The following JCAD variants were observed in gnomAD, a reference collection of about 807,000 sequenced individuals.
JCAD encodes junctional cadherin 5 associated, also known as junctional cadherin 5-associated protein.
In JCAD, 40 loss-of-function variants were observed where a neutral mutation model predicts 98.0. The ratio of observed to expected loss-of-function variants is 0.41; its 90% CI spans 0.32 to 0.53. The LOEUF (loss-of-function observed/expected upper bound fraction) is 0.53, where lower values mean the gene tolerates loss of function less well. Among genes scored for constraint, JCAD ranks in the 20% least tolerant of loss-of-function variants. The pLI is 0.31. For synonymous variants in JCAD, 691 were observed against 682.3 expected (o/e 1.01, Z -0.20); for missense variants, 1,705 against 1,738.1 (o/e 0.98, Z 0.34).
upstream of JCAD, among the ~76,000 whole-genome samples, chr10:30,062,762 T>C (rs990535255): frequency 3.3e-5 from 5 of 152,022 alleles, no homozygotes; most frequent in African/African-American, 1.2e-4. Flanking sequence ...TTATTCACTA[T>C]CACAAGAACG....
chr10:30,076,171 C>T (rs1247209478), intron 1 of JCAD, among the ~76,000 whole-genome samples: 1 of 152,022 alleles, frequency 6.6e-6, no homozygotes, highest in African/African-American at 2.4e-5. Flanking sequence ...TTACAGGTGC[C>T]TGCTACCACA....
At chr10:30,051,464 A>C (rs753882205) in intron 1 of JCAD, among the ~76,000 whole-genome samples, 1 of 152,248 alleles carries the variant, frequency 6.6e-6, no homozygotes, top group Non-Finnish European at 1.5e-5. Flanking sequence ...GCTTTTCATA[A>C]ATAACATGGG....
At chr10:30,039,416 C>T (rs550977922) in intron 2 of JCAD, among the ~76,000 whole-genome samples, 3 of 152,346 alleles carry the variant, frequency 2.0e-5, no homozygotes, top group Middle Eastern at 3.4e-3. Context: ...GGACCGGCCT[C>T]GGCTTCTGAT....
At chr10:30,097,509 A>G (rs559827379) in intron 1 of JCAD, among the ~76,000 whole-genome samples, 1 of 152,262 alleles carries the variant, frequency 6.6e-6, no homozygotes, top group African/African-American at 2.4e-5. Context: ...CAGCACTTTG[A>G]GAGGTTGAGG....
At chr10:30,101,897 G>A (rs555485934) in intron 1 of JCAD, among the ~76,000 whole-genome samples, 36 of 152,260 alleles carry the variant, frequency 2.4e-4, no homozygotes, top group Admixed American at 7.2e-4. Context: ...TAACATACAT[G>A]TACAGTGTTG....
chr10:30,073,598 TAGA>T (rs1251258406), intron 1 of JCAD, among the ~76,000 whole-genome samples: 2 of 152,196 alleles, frequency 1.3e-5, no homozygotes, highest in African/African-American at 2.4e-5. Flanking sequence ...TAAGAAATTT[TAGA>T]AAGACCATTC....
intron 1 of JCAD, among the ~76,000 whole-genome samples, chr10:30,055,268 G>A (rs913332331): frequency 2.0e-5 from 3 of 152,206 alleles, no homozygotes; most frequent in Non-Finnish European, 2.9e-5. Flanking sequence ...TGCTTAAGAT[G>A]TAATTGGTCC....
rs953583790 is a variant in JCAD, at chr10:30,037,464, G to A, written c.282-7598C>T. 2.0e-5 allele frequency among the ~76,000 whole-genome samples: 3 copies of A among 152,222 alleles called. No homozygotes were observed. In the South Asian group the frequency reaches 6.2e-4, roughly 31 times the overall value. On this transcript the variant is annotated intron_variant, in intron 2 of 3. Transcript: ENST00000375377. ...GCAAAGTTCAATTTGAACAAGAATT[G>A]TAGGTTGCGCTGGCAGAATGGTAAC...
chr10:30,059,146 G>A lies in JCAD; in HGVS notation c.-60+336C>T, dbSNP rs920299143. On this transcript the variant is annotated intron_variant, in intron 1 of 3. Coordinates refer to ENST00000375377, the MANE Select transcript of JCAD (RefSeq NM_020848.4). This position sits in a 1 kb window ranked among gnomAD's most constrained non-coding sequence, Gnocchi z 5.0. ...CCCCCCAGGCCCTCCGCGCGCCGAG[G>A]GGCGACGCGAGCGCTAACGCCAGCC... Among the ~76,000 whole-genome samples the A allele has an allele frequency of 2.0e-5, 3 of 151,846 alleles. No homozygotes were observed. Among genetic ancestry groups the A allele is most frequent in the Non-Finnish European group, 2.9e-5 (2 of 67,896 alleles).
chr10:30,044,815 A>G (rs1426683553), intron 2 of JCAD: 12 of 970,702 alleles, frequency 1.2e-5, no homozygotes, highest in East Asian at 1.2e-4. Flanking sequence ...TCAGTTCTCT[A>G]TTGGGCACCT....
At chr10:30,095,700 C>A (rs1838356346) in intron 1 of JCAD, among the ~76,000 whole-genome samples, 1 of 152,200 alleles carries the variant, frequency 6.6e-6, no homozygotes. Flanking sequence ...CTGTGTCTCG[C>A]TCATCTTAGA....
intron 2 of JCAD, among the ~76,000 whole-genome samples, chr10:30,044,491 A>T (rs1398895104): frequency 6.6e-6 from 1 of 152,126 alleles, no homozygotes; most frequent in Non-Finnish European, 1.5e-5. Flanking sequence ...GATGGCTTCA[A>T]GTTGGACAGG....
At position 30,028,169 on chromosome 10, in the gene JCAD, T is replaced by G; in HGVS notation, c.1979A>C (p.Gln660Pro). ...QDLGEPEEDR[Q>P]TNDLSFIHLT... is the part of the protein sequence containing the mutation. ...GTGGATGAAACTGAGGTCATTTGTT[T>G]GTCTGTCTTCTTCTGGTTCCCCTAG... The change falls in exon 3 of 4, where the codon CAA (glutamine) becomes CCA (proline). Residue 660 changes from glutamine (Q) to proline (P), a missense_variant. This residue lies in a region of JCAD where 1,278 missense variants were observed against 1,243.1 expected (regional missense o/e 1.03). Transcript: ENST00000375377. The G allele has an allele frequency of 1.2e-6, 2 of 1,614,220 alleles. No individual in the cohort carries two copies. Among genetic ancestry groups the G allele is most frequent in the African/African-American group, 1.3e-5 (1 of 75,062 alleles).
At chr10:30,112,893 C>T (rs547760003) in intron 1 of JCAD, among the ~76,000 whole-genome samples, 127 of 149,282 alleles carry the variant, frequency 8.5e-4, no homozygotes, top group Non-Finnish European at 1.4e-3. Flanking sequence ...AAAAAAAATC[C>T]ATAGAGATGA....
At chr10:30,045,354 T>C (rs1837312986) in intron 2 of JCAD, among the ~76,000 whole-genome samples, 1 of 152,084 alleles carries the variant, frequency 6.6e-6, no homozygotes, top group Non-Finnish European at 1.5e-5. Flanking sequence ...TTTACTTCAT[T>C]AGAAACTGAC....
chr10:30,069,628 A>G (rs201691784), intron 2 of JCAD: 1 of 128,218 alleles, frequency 7.8e-6, no homozygotes, highest in East Asian at 2.5e-4. Context: ...AAAACACTGT[A>G]TTAATTCTTT....
At chr10:30,086,824 CAG>C (rs1838175068) in intron 1 of JCAD, among the ~76,000 whole-genome samples, 1 of 152,226 alleles carries the variant, frequency 6.6e-6, no homozygotes, top group Non-Finnish European at 1.5e-5. Context: ...ACTGAGAAGT[CAG>C]AGATAGTTTT....
At chr10:30,057,569 TC>T (rs1047928976) in intron 1 of JCAD, among the ~76,000 whole-genome samples, 4 of 152,112 alleles carry the variant, frequency 2.6e-5, no homozygotes, top group South Asian at 2.1e-4. Context: ...ACTTCTTTTT[TC>T]CCCGAAACAG....
In JCAD at chr10:30,102,454, A is replaced by G. The variant is rs556271746; in HGVS notation, n.128+12913T>C. On this transcript the variant is annotated intron_variant and non_coding_transcript_variant, in intron 1 of 2. Coordinates refer to the JCAD transcript ENST00000465712. ...CCAAAGTGCTGGGATTACAGGCGTGAGCCACTGCACCCAGTCTACCCTCTT... is the reference window on the plus strand; with the variant it reads ...CCAAAGTGCTGGGATTACAGGCGTGGGCCACTGCACCCAGTCTACCCTCTT... Among the ~76,000 whole-genome samples the G allele has an allele frequency of 3.3e-5, 5 of 152,344 alleles. No homozygotes were observed. In the South Asian group the frequency reaches 1.0e-3, roughly 32 times the overall value.
Sources: gnomAD v4.1 joint callset for allele counts (sites outside exome capture counted in the v4.1 genomes callset) on GRCh38, gnomAD v4.1.1 for gene constraint, gnomAD v4.1.1 regional missense constraint, Gnocchi (gnomAD v3.1) non-coding constraint, MANE v1.5 for transcripts, NCBI Gene and HGNC (gene_info 2026-07-23, HGNC 2026-07-21) for gene names.